Variants in MOGAT1 observed in about 807,000 individuals in gnomAD.
MOGAT1 encodes 2-acylglycerol O-acyltransferase 1.
Under a neutral mutation model 31.4 loss-of-function variants are expected in MOGAT1, and 32 were observed. That is an observed-to-expected ratio of 1.02 (90% confidence interval 0.77 to 1.37). The LOEUF (loss-of-function observed/expected upper bound fraction) is 1.37, where lower values mean the gene tolerates loss of function less well. Among genes scored for constraint, MOGAT1 ranks in the 40% most tolerant of loss-of-function variants. MOGAT1 has a pLI of 0.00. For synonymous variants in MOGAT1, 145 were observed against 144.5 expected (o/e 1.00, Z -0.03); for missense variants, 426 against 402.0 (o/e 1.06, Z -0.51).
intron 3 of MOGAT1, among the ~76,000 whole-genome samples, chr2:222,691,677 TG>T (rs1217448611): frequency 6.6e-6 from 1 of 152,200 alleles, no homozygotes; most frequent in Non-Finnish European, 1.5e-5. Flanking sequence ...GGACAGCCCT[TG>T]GTCCAAGGCT....
rs755814579 is a variant in MOGAT1 at position 222,688,480 on chromosome 2, T to A, written c.231T>A (p.Asn77Lys). ...GCAGGAGATCCAGCTGGATCAAAAA[T>A]TGGACTCTTTGGAAACACTTTAAGG... ...RGGRRSSWIK[N>K]WTLWKHFKDY... Residue 77 changes from asparagine (N) to lysine (K), a missense_variant, in exon 2 of 6, where the codon AAT becomes AAA. Transcript: ENST00000446656. The A allele has an allele frequency of 1.2e-6, 2 of 1,613,714 alleles. No individual in the cohort carries two copies. The highest frequency in any genetic ancestry group is 1.7e-6 in the Non-Finnish European group (2 of 1,179,798).
At chr2:222,684,800 C>T (rs1483570688) in intron 1 of MOGAT1, among the ~76,000 whole-genome samples, 10 of 152,146 alleles carry the variant, frequency 6.6e-5, no homozygotes, top group African/African-American at 1.9e-4. Flanking sequence ...TGGTCTCAAA[C>T]GCCTGACCTC....
chr2:222,692,556 T>G (rs1325557360), intron 3 of MOGAT1, among the ~76,000 whole-genome samples: 1 of 152,158 alleles, frequency 6.6e-6, no homozygotes, highest in Non-Finnish European at 1.5e-5. Context: ...TGCATTCGGT[T>G]TGGAGACGTG....
chr2:222,694,652 C>G (rs1405489420), intron 4 of MOGAT1, 116 bp downstream of exon 4: 2 of 974,850 alleles, frequency 2.1e-6, no homozygotes, highest in Non-Finnish European at 3.0e-6. Flanking sequence ...ATCGATCTGA[C>G]AGTAAAAGCA....
chr2:222,685,472 G>T (rs1692649475), intron 1 of MOGAT1, among the ~76,000 whole-genome samples: 1 of 151,966 alleles, frequency 6.6e-6, no homozygotes, highest in South Asian at 2.1e-4. Context: ...TTCCATTCCA[G>T]ACCTACATCT....
chr2:222,703,546 G>T (rs1025375509), intron 5 of MOGAT1, among the ~76,000 whole-genome samples: 6 of 152,158 alleles, frequency 3.9e-5, no homozygotes, highest in Non-Finnish European at 8.8e-5. Context: ...ATGTTCATGA[G>T]TGAGTGTGTC....
intron 5 of MOGAT1, among the ~76,000 whole-genome samples, chr2:222,701,608 G>GAGGGAGGT (rs1692931079): frequency 1.3e-5 from 1 of 78,360 alleles, no homozygotes; most frequent in East Asian, 2.6e-4. Flanking sequence ...GGGAGGGAGG[G>GAGGGAGGT]AGGGAGAGAA....
intron 5 of MOGAT1, among the ~76,000 whole-genome samples, chr2:222,704,106 C>CT (rs1416011138): frequency 6.6e-6 from 1 of 152,202 alleles, no homozygotes; most frequent in Non-Finnish European, 1.5e-5. Flanking sequence ...ATTCCTGACT[C>CT]TGTCACAAGT....
intron 1 of MOGAT1, among the ~76,000 whole-genome samples, chr2:222,687,559 A>G (rs989792198): frequency 6.6e-6 from 1 of 152,240 alleles, no homozygotes; most frequent in Non-Finnish European, 1.5e-5. Flanking sequence ...GAAGGTAACC[A>G]TTCTTGTCAC....
At chr2:222,708,239 A>T (rs1693036107) in intron 5 of MOGAT1, among the ~76,000 whole-genome samples, 1 of 152,034 alleles carries the variant, frequency 6.6e-6, no homozygotes. Context: ...GCCCGCCACC[A>T]CGTCCGGCTA....
intron 5 of MOGAT1, among the ~76,000 whole-genome samples, chr2:222,699,652 A>G (rs1307121893): frequency 6.6e-6 from 1 of 151,642 alleles, no homozygotes; most frequent in East Asian, 1.9e-4. Flanking sequence ...GCCCGCCACC[A>G]TGCCCGGCTA....
At chr2:222,697,229 A>G (rs1263313430) in intron 5 of MOGAT1, among the ~76,000 whole-genome samples, 3 of 152,202 alleles carry the variant, frequency 2.0e-5, no homozygotes, top group African/African-American at 7.2e-5. Flanking sequence ...GTAAAATTCA[A>G]ATATAGTCAA....
chr2:222,698,290 A>C (rs1375131803), intron 5 of MOGAT1, among the ~76,000 whole-genome samples: 1 of 152,222 alleles, frequency 6.6e-6, no homozygotes, highest in Non-Finnish European at 1.5e-5. Flanking sequence ...CAATCCCCCA[A>C]GTGTAAGGGT....
At chr2:222,704,838 G>T (rs1692981490) in intron 5 of MOGAT1, among the ~76,000 whole-genome samples, 1 of 152,098 alleles carries the variant, frequency 6.6e-6, no homozygotes, top group South Asian at 2.1e-4. Context: ...TGCAGGCTGA[G>T]ACCCCAAGTA....
At chr2:222,706,493 T>A (rs1412502315) in intron 5 of MOGAT1, among the ~76,000 whole-genome samples, 1 of 126,506 alleles carries the variant, frequency 7.9e-6, no homozygotes, top group Admixed American at 8.3e-5. Flanking sequence ...AAAAATTCAT[T>A]CCATATGTGA....
intron 1 of MOGAT1, among the ~76,000 whole-genome samples, chr2:222,685,370 G>A (rs1173905534): frequency 1.3e-5 from 2 of 152,076 alleles, no homozygotes; most frequent in Admixed American, 1.3e-4. Context: ...GCTGTCATAA[G>A]CCCATTTTAC....
At position 222,694,531 on chromosome 2, in the gene MOGAT1, C is replaced by A; in HGVS notation, c.648C>A (p.Thr216=). The A allele has an allele frequency of 6.2e-7, 1 of 1,612,804 alleles. No homozygotes were observed. The highest frequency in any genetic ancestry group is 1.1e-5 in the South Asian group (1 of 90,846). Residue 216 remains threonine, a synonymous_variant, in exon 4 of 6, where the codon ACC becomes ACA. Transcript: ENST00000446656. The part of the protein sequence containing the change: ...QRKGFVKIAL[T]HGASLVPVVS... ...AAGGATTTGTTAAAATTGCTTTGAC[C>A]CATGGGTAAGTGGCTTTTTGTATAA... is the stretch of plus-strand genomic sequence containing the variant.
intron 3 of MOGAT1, among the ~76,000 whole-genome samples, chr2:222,690,810 C>G (rs1356898458): frequency 6.6e-6 from 1 of 152,176 alleles, no homozygotes; most frequent in African/African-American, 2.4e-5. Flanking sequence ...GTGCACTATC[C>G]CCCTCTTAAC....
At chr2:222,672,791 G>A (rs925270108) in intron 1 of MOGAT1, among the ~76,000 whole-genome samples, 2 of 151,666 alleles carry the variant, frequency 1.3e-5, no homozygotes, top group African/African-American at 2.4e-5. Context: ...TTTACATTTC[G>A]AAAGCCTGAA....
Sources: allele counts gnomAD v4.1 joint callset (sites outside exome capture counted in the v4.1 genomes callset), GRCh38; gene constraint gnomAD v4.1.1; transcripts MANE v1.5; gene names NCBI Gene and HGNC (gene_info 2026-07-23, HGNC 2026-07-21).